The following CNTN5 variants were observed in gnomAD, a reference collection of about 807,000 sequenced individuals.
The protein encoded by CNTN5 is contactin 5.
Under a neutral mutation model 129.1 loss-of-function variants are expected in CNTN5, and 77 were observed. The observed-to-expected ratio is 0.60, with a 90% CI of 0.50 to 0.72. CNTN5 has a LOEUF of 0.72. Ranked by LOEUF, CNTN5 falls within the 30% of genes least tolerant of loss-of-function variation. The pLI is 0.00. For missense variants in CNTN5, 1,478 were observed against 1,328.8 expected, an observed-to-expected ratio of 1.11 and a Z score of -1.75; for synonymous variants, 509 against 465.6, an observed-to-expected ratio of 1.09 and a Z score of -1.20.
intron 2 of CNTN5, among the ~76,000 whole-genome samples, chr11:99,481,523 G>T (rs1945600929): frequency 6.6e-6 from 1 of 152,140 alleles, no homozygotes; most frequent in African/African-American, 2.4e-5. Context: ...TGCTGATTAT[G>T]TGAGAAATCT....
At chr11:100,108,310 C>T (rs908612062) in intron 13 of CNTN5, among the ~76,000 whole-genome samples, 2 of 152,018 alleles carry the variant, frequency 1.3e-5, no homozygotes, top group Non-Finnish European at 2.9e-5. Flanking sequence ...TTTACAAAAA[C>T]ATCATTGGAC....
At chr11:99,782,101 C>T (rs1019744681) in intron 3 of CNTN5, among the ~76,000 whole-genome samples, 45 of 151,414 alleles carry the variant, frequency 3.0e-4, no homozygotes, top group African/African-American at 1.0e-3. Flanking sequence ...CCAAAATCTC[C>T]TTAAGCTGAT....
intron 13 of CNTN5, among the ~76,000 whole-genome samples, chr11:100,169,859 A>T (rs1947770894): frequency 6.6e-6 from 1 of 151,960 alleles, no homozygotes; most frequent in South Asian, 2.1e-4. Context: ...GACTATGCTC[A>T]TTCACACCGG....
intron 13 of CNTN5, among the ~76,000 whole-genome samples, chr11:100,159,208 A>T (rs1947356988): frequency 6.6e-6 from 1 of 151,874 alleles, no homozygotes; most frequent in South Asian, 2.1e-4. Context: ...CTTGTGAAAA[A>T]AAAAAGTTAA....
chr11:100,047,523 A>C (rs905972943), intron 9 of CNTN5, among the ~76,000 whole-genome samples: 21 of 152,364 alleles, frequency 1.4e-4, no homozygotes, highest in Non-Finnish European at 2.1e-4. Flanking sequence ...TACAACAAAA[A>C]GAATATATGG....
At chr11:99,028,351 G>A (rs1863200592) in intron 1 of CNTN5, among the ~76,000 whole-genome samples, 1 of 151,810 alleles carries the variant, frequency 6.6e-6, no homozygotes, top group Non-Finnish European at 1.5e-5. Context: ...ATATAAAAGA[G>A]AATAAATAGT....
intron 3 of CNTN5, among the ~76,000 whole-genome samples, chr11:99,704,053 A>ATG (rs775687258): frequency 3.9e-4 from 58 of 149,720 alleles, no homozygotes; most frequent in Non-Finnish European, 4.9e-4. Context: ...GTGTATATAT[A>ATG]TATATGTGTG....
At position 100,232,089 on chromosome 11, in the gene CNTN5, G is replaced by A. The variant is rs555728243; in HGVS notation, c.2005+7277G>A. ...GAATTGCTTGAACCTGGGAGGGGGA[G>A]GTTGCAGTGAGCCGAGATTGCATCA... On this transcript the variant is annotated intron_variant, in intron 16 of 24. Transcript: ENST00000524871. Among the ~76,000 whole-genome samples, 23 of 152,256 alleles carry A rather than the reference G, an allele frequency of 1.5e-4. 1 individual carries two copies. The highest frequency in any genetic ancestry group is 5.5e-4 in the African/African-American group (23 of 41,534).
intron 9 of CNTN5, among the ~76,000 whole-genome samples, chr11:100,041,348 T>G (rs1240102235): frequency 1.4e-4 from 21 of 152,230 alleles, no homozygotes; most frequent in Admixed American, 1.4e-3. Flanking sequence ...AGTCATTACT[T>G]AAGTCATTCT....
rs905879285 is a variant in CNTN5, at chr11:99,066,881, T to C, written c.-210+45611T>C. Reference sequence around the variant, plus strand: ...GGCATAGATCTCTTTTGATGGTGACTGCGATTCAAGGGCTTCTCACTGGCC... The same window carrying C: ...GGCATAGATCTCTTTTGATGGTGACCGCGATTCAAGGGCTTCTCACTGGCC... On this transcript the variant is annotated intron_variant, in intron 1 of 24. Transcript: ENST00000524871. Among the ~76,000 whole-genome samples, 3 of 152,140 alleles carry C rather than the reference T, an allele frequency of 2.0e-5. No homozygotes were observed. The East Asian group carries it at 5.8e-4, about 29-fold the overall frequency.
chr11:100,150,042 G>A (rs1169839576), intron 13 of CNTN5, among the ~76,000 whole-genome samples: 1 of 152,104 alleles, frequency 6.6e-6, no homozygotes, highest in Non-Finnish European at 1.5e-5. Context: ...TACTTGGTGT[G>A]GAGAGAAAAC....
At chr11:99,951,268 T>TAAA (rs35112318) in intron 7 of CNTN5, among the ~76,000 whole-genome samples, 2,338 of 144,360 alleles carry the variant, frequency 0.016, 44 homozygotes, top group Admixed American at 0.052. Flanking sequence ...AAGAACTAGG[T>TAAA]AAAAAAAAAA....
At chr11:99,377,626 C>T (rs1036495987) in intron 2 of CNTN5, among the ~76,000 whole-genome samples, 13 of 152,062 alleles carry the variant, frequency 8.5e-5, no homozygotes, top group African/African-American at 2.9e-4. Flanking sequence ...CATATCGTAA[C>T]TTCATCGCTA....
rs76568559 is a variant in CNTN5, at chr11:99,561,628, A to G, written c.55+5359A>G. On this transcript the variant is annotated intron_variant, in intron 3 of 24. Coordinates refer to ENST00000524871, the MANE Select transcript of CNTN5 (RefSeq NM_014361.4). ...CTCAGCCATGTAATAATCATGATCAATATTAGCAGAGATAAGTCATGTTGA... is the reference window on the plus strand; with the variant it reads ...CTCAGCCATGTAATAATCATGATCAGTATTAGCAGAGATAAGTCATGTTGA... Among the ~76,000 whole-genome samples the G allele has an allele frequency of 8.9e-3, 1,353 of 152,368 alleles. 19 individuals are homozygous for G. The highest frequency in any genetic ancestry group is 0.031 in the African/African-American group (1,272 of 41,586).
intron 3 of CNTN5, among the ~76,000 whole-genome samples, chr11:99,766,618 G>C (rs555324996): frequency 6.6e-6 from 1 of 151,966 alleles, no homozygotes; most frequent in East Asian, 1.9e-4. Flanking sequence ...TTTGCCAAAC[G>C]TCATTCCATA....
intron 13 of CNTN5, among the ~76,000 whole-genome samples, chr11:100,105,543 A>G (rs12281378): frequency 0.011 from 1,721 of 152,290 alleles, 37 homozygotes; most frequent in African/African-American, 0.039. Flanking sequence ...CTAAAAAGTT[A>G]ACAGATACAA....
In CNTN5 at chr11:99,648,698, A is replaced by G. The variant is rs144150697; in HGVS notation, c.55+92429A>G. Reference sequence around the variant, plus strand: ...AGGAAACGAATAAAGAGAATGTGGTATATATTTACAATGGAATACTATGTG... The same window carrying G: ...AGGAAACGAATAAAGAGAATGTGGTGTATATTTACAATGGAATACTATGTG... On this transcript the variant is annotated intron_variant, in intron 3 of 24. Coordinates refer to ENST00000524871, the MANE Select transcript of CNTN5 (RefSeq NM_014361.4). Among the ~76,000 whole-genome samples the G allele has an allele frequency of 1.6e-3, 237 of 152,054 alleles. 1 individual carries two copies. The highest frequency in any genetic ancestry group is 2.9e-3 in the South Asian group (14 of 4,828).
At chr11:99,464,400 A>C (rs1944853949) in intron 2 of CNTN5, among the ~76,000 whole-genome samples, 1 of 152,222 alleles carries the variant, frequency 6.6e-6, no homozygotes, top group South Asian at 2.1e-4. Flanking sequence ...CCAGCAATCA[A>C]ACAATTTCAT....
chr11:100,131,699 T>C (rs978906183), intron 13 of CNTN5, among the ~76,000 whole-genome samples: 1 of 151,584 alleles, frequency 6.6e-6, no homozygotes, highest in African/African-American at 2.4e-5. Flanking sequence ...TGTCTGAAAA[T>C]AAAGCCAAAG....
Sources: gnomAD v4.1 joint callset for allele counts (sites outside exome capture counted in the v4.1 genomes callset) on GRCh38, gnomAD v4.1.1 for gene constraint, MANE v1.5 for transcripts, NCBI Gene and HGNC (gene_info 2026-07-23, HGNC 2026-07-21) for gene names.